Variants in CPNE9 observed in about 807,000 individuals in gnomAD.
CPNE9 encodes the protein copine-9.
CPNE9 carries 59 observed loss-of-function variants against 83.0 expected under a neutral mutation model. The ratio of observed to expected loss-of-function variants is 0.71; its 90% CI spans 0.58 to 0.88. The LOEUF (loss-of-function observed/expected upper bound fraction) is 0.88. Ranked by LOEUF, CPNE9 falls within the 40% of genes least tolerant of loss-of-function variation. The pLI, the probability that CPNE9 is intolerant of heterozygous loss-of-function variation, is 0.00. For synonymous variants in CPNE9, 256 were observed against 273.4 expected (o/e 0.94, Z 0.63); for missense variants, 619 against 720.8 (o/e 0.86, Z 1.62).
intron 7 of CPNE9, among the ~76,000 whole-genome samples, chr3:9,711,866 G>C (rs1041435423): frequency 6.6e-6 from 1 of 152,194 alleles, no homozygotes; most frequent in African/African-American, 2.4e-5. Flanking sequence ...ATGGTCTTCA[G>C]AAAGCACATC....
Position 9,718,175 on chromosome 3 carries a change from C to T in CPNE9, c.1078C>T (p.Pro360Ser). The T allele has an allele frequency of 6.2e-7, 1 of 1,613,476 alleles. No homozygotes were observed. The highest frequency in any genetic ancestry group is 1.7e-4 in the Middle Eastern group (1 of 6,050). The change falls in exon 16 of 21, where the codon CCC (proline) becomes TCC (serine). Residue 360 changes from proline (P) to serine (S), a missense_variant. By Grantham distance (74) the Pro-to-Ser change is moderately conservative (BLOSUM62 -1). This residue lies in a region of CPNE9 where 438 missense variants were observed against 562.9 expected (regional missense o/e 0.78). Transcript: ENST00000383832. ...FPAYGFGAKLPPEGRISHQFP... is the reference protein window; with the variant it reads ...FPAYGFGAKLSPEGRISHQFP... ...AGCTTATGGCTTTGGGGCCAAGCTGCCCCCAGAGGGACGGATCTCCCACCA... is the reference window on the plus strand; with the variant it reads ...AGCTTATGGCTTTGGGGCCAAGCTGTCCCCAGAGGGACGGATCTCCCACCA...
intron 10 of CPNE9, 149 bp downstream of exon 10, chr3:9,713,228 C>T: frequency 3.1e-6 from 2 of 635,358 alleles, no homozygotes; most frequent in Non-Finnish European, 2.8e-6. Flanking sequence ...GGTGGATGGA[C>T]AGGCAGATGG....
chr3:9,714,639 TAAAAAAAAAAAAAAAA>T (rs34491669), intron 10 of CPNE9, among the ~76,000 whole-genome samples: 7 of 103,352 alleles, frequency 6.8e-5, no homozygotes, highest in Non-Finnish European at 1.2e-4. Flanking sequence ...CTCAAAGTGG[TAAAAAAAAAAAAAAAA>T]AAAAAAAAAA....
Position 9,712,727 on chromosome 3 carries a change from C to T in CPNE9, c.444C>T (p.Asp148=). The change falls in exon 9 of 21, where the codon GAC becomes GAT. Residue 148 remains aspartate, a splice_region_variant and synonymous_variant. Transcript: ENST00000383832. ...AGCCCAACTTCATCCATCCCTAGGA[C>T]ATTGCCACCATGCAGCTGTGTGCAA... is the stretch of plus-strand genomic sequence containing the variant. ...LTAEELSNCR[D]IATMQLCANK... 6.2e-7 allele frequency: 1 copy of T among 1,613,926 alleles called. No individual in the cohort carries two copies. Among genetic ancestry groups the T allele is most frequent in the Non-Finnish European group, 8.5e-7 (1 of 1,179,822 alleles).
intron 5 of CPNE9, 106 bp from the exon 6 acceptor site, chr3:9,705,612 C>G: frequency 6.4e-7 from 1 of 1,559,434 alleles, no homozygotes; most frequent in Admixed American, 1.7e-5. Context: ...CTTCTTCAGG[C>G]CCCCAACCCA....
chr3:9,714,696 G>C (rs1160419513), intron 10 of CPNE9, among the ~76,000 whole-genome samples: 1 of 144,364 alleles, frequency 6.9e-6, no homozygotes, highest in African/African-American at 2.5e-5. Context: ...AAAAGTATTA[G>C]TGGTACTAAC....
At chr3:9,728,500 G>C (rs1200832083) in intron 20 of CPNE9, among the ~76,000 whole-genome samples, 1 of 152,108 alleles carries the variant, frequency 6.6e-6, no homozygotes, top group African/African-American at 2.4e-5. Context: ...GTGCATGTCT[G>C]TAATCCCAGC....
chr3:9,725,682 A>ATG (rs55757225), intron 17 of CPNE9, among the ~76,000 whole-genome samples: 33,711 of 122,784 alleles, frequency 0.27, 4,687 homozygotes, highest in African/African-American at 0.42. Flanking sequence ...ATGTGTATAT[A>ATG]TATATACATA....
chr3:9,714,021 C>G (rs948861837), intron 10 of CPNE9, among the ~76,000 whole-genome samples: 1 of 151,782 alleles, frequency 6.6e-6, no homozygotes, highest in Non-Finnish European at 1.5e-5. Context: ...TACAGTGAGC[C>G]GAGATCACGC....
intron 13 of CPNE9, among the ~76,000 whole-genome samples, 165 bp downstream of exon 13, chr3:9,715,691 T>C (rs986616981): frequency 6.6e-6 from 1 of 152,156 alleles, no homozygotes; most frequent in African/African-American, 2.4e-5. Flanking sequence ...TTGTTTTTTT[T>C]CTCACTCAGG....
At chr3:9,705,167 G>A in intron 4 of CPNE9, 173 bp downstream of exon 4, 1 of 656,982 alleles carries the variant, frequency 1.5e-6, no homozygotes, top group Non-Finnish European at 2.7e-6. Context: ...ATGCGGTCCA[G>A]TTCCGTCCCC....
chr3:9,712,705 C>T lies in CPNE9; in HGVS notation c.442-20C>T. On this transcript the variant is annotated intron_variant, in intron 8 of 20. Transcript: ENST00000383832. ...TATGGACAATTGGGGTGCCACCAGC[C>T]CAACTTCATCCATCCCTAGGACATT... is the stretch of plus-strand genomic sequence containing the variant. 6.2e-7 allele frequency: 1 copy of T among 1,612,336 alleles called. No homozygotes were observed. Among genetic ancestry groups the T allele is most frequent in the South Asian group, 1.1e-5 (1 of 91,052 alleles).
rs771507677 is a variant in CPNE9 at position 9,704,541 on chromosome 3, C to T, written c.69-46C>T. Reference sequence around the variant, plus strand: ...CGGCTCAGAGCCGACTCGAGGCGGGCGGACTCCAGGATGATCCACTCTGTC... The same window carrying T: ...CGGCTCAGAGCCGACTCGAGGCGGGTGGACTCCAGGATGATCCACTCTGTC... On this transcript the variant is annotated intron_variant, in intron 1 of 20. Transcript: ENST00000383832. This position sits in a 1 kb window ranked among gnomAD's most constrained non-coding sequence, Gnocchi z 7.1. 2 of 1,512,740 alleles carry T rather than the reference C, an allele frequency of 1.3e-6. No individual in the cohort carries two copies. The highest frequency in any genetic ancestry group is 1.2e-5 in the South Asian group (1 of 85,124). The allele number at this position is 1,512,740 out of a possible 1,614,324, so 93.7% of individuals were successfully genotyped here.
chr3:9,714,307 G>A (rs1468132004), intron 10 of CPNE9, among the ~76,000 whole-genome samples: 2 of 152,234 alleles, frequency 1.3e-5, no homozygotes, highest in East Asian at 1.9e-4. Context: ...TAGGTAATTG[G>A]ACTGGCAAAT....
At chr3:9,705,792 A>G in intron 6 of CPNE9, 72 bp downstream of exon 6, 1 of 1,526,714 alleles carries the variant, frequency 6.6e-7, no homozygotes, top group Non-Finnish European at 9.0e-7. Flanking sequence ...TGGACTGATG[A>G]CCCACTACAA....
intron 11 of CPNE9, 90 bp from the exon 12 acceptor site, chr3:9,715,176 AGGCTGCCCTGCAGCCTAAGTAGG>A: frequency 8.1e-7 from 1 of 1,227,634 alleles, no homozygotes; most frequent in South Asian, 1.3e-5. Flanking sequence ...CCCCAGCACT[AGGCTGCCCTGCAGCCTAAGTAGG>A]GGCTTAGGAT....
Position 9,726,725 on chromosome 3 carries a change from G to A in CPNE9, c.1402+3G>A. 1 of 1,613,708 alleles carries A rather than the reference G, an allele frequency of 6.2e-7. No homozygotes were observed. Among genetic ancestry groups the A allele is most frequent in the Non-Finnish European group, 8.5e-7 (1 of 1,179,634 alleles). ...TGTAGGACCAGCCATGTTTGAGGGT[G>A]AGTAGGAAGGGGTGTCCCTGAGTGG... On this transcript the variant is annotated splice_donor_region_variant and intron_variant, in intron 19 of 20. Transcript: ENST00000383832.
intron 7 of CPNE9, among the ~76,000 whole-genome samples, chr3:9,710,050 G>A (rs1319836108): frequency 6.6e-6 from 1 of 151,520 alleles, no homozygotes; most frequent in African/African-American, 2.4e-5. Context: ...ACATTGGCCG[G>A]GCATAGTGTA....
intron 17 of CPNE9, among the ~76,000 whole-genome samples, chr3:9,724,446 T>G (rs542671442): frequency 9.3e-4 from 142 of 152,280 alleles, no homozygotes; most frequent in South Asian, 3.5e-3. Flanking sequence ...CTTCAGCCTT[T>G]GCTCTCGCTC....
Sources: allele counts gnomAD v4.1 joint callset (sites outside exome capture counted in the v4.1 genomes callset), GRCh38; gene constraint gnomAD v4.1.1; regional missense constraint gnomAD v4.1.1; non-coding constraint Gnocchi (gnomAD v3.1); transcripts MANE v1.5; gene names NCBI Gene and HGNC (gene_info 2026-07-23, HGNC 2026-07-21).